Variants in HERC4 observed in about 807,000 individuals in gnomAD.
HERC4 encodes the protein HECT and RLD domain containing E3 ubiquitin protein ligase 4.
Under a neutral mutation model 124.3 loss-of-function variants are expected in HERC4, and 28 were observed. That is an observed-to-expected ratio of 0.23 (90% confidence interval 0.17 to 0.31). The LOEUF (loss-of-function observed/expected upper bound fraction) is 0.31. HERC4 is among the 10% of genes least tolerant of loss of function. The pLI, the probability that HERC4 is intolerant of heterozygous loss-of-function variation, is 1.00. For synonymous variants in HERC4, 407 were observed against 421.5 expected (o/e 0.97, Z 0.42); for missense variants, 713 against 1,229.3 (o/e 0.58, Z 6.28).
At chr10:67,977,361 A>G (rs1473213311) in intron 15 of HERC4, among the ~76,000 whole-genome samples, 6 of 152,148 alleles carry the variant, frequency 3.9e-5, no homozygotes, top group Non-Finnish European at 8.8e-5. Context: ...GACAGCTTTC[A>G]TTATCTGTTA....
intron 9 of HERC4, 116 bp downstream of exon 9, chr10:68,013,910 G>A: frequency 1.2e-6 from 1 of 860,648 alleles, no homozygotes; most frequent in Non-Finnish European, 1.8e-6. Flanking sequence ...ATATTTTGCT[G>A]TTTTCACTTA....
intron 4 of HERC4, among the ~76,000 whole-genome samples, chr10:68,042,271 TG>T (rs935692451): frequency 3.1e-4 from 47 of 152,270 alleles, no homozygotes; most frequent in Admixed American, 7.8e-4. Context: ...CCTCCCAAAG[TG>T]CTGGGATTAC....
intron 8 of HERC4, among the ~76,000 whole-genome samples, chr10:68,019,856 G>A (rs374549105): frequency 1.3e-5 from 2 of 152,152 alleles, no homozygotes; most frequent in Non-Finnish European, 2.9e-5. Context: ...TGGTGCTTCT[G>A]ATCACCAAGG....
At chr10:67,938,769 C>A (rs1470605416) in intron 21 of HERC4, among the ~76,000 whole-genome samples, 1 of 152,024 alleles carries the variant, frequency 6.6e-6, no homozygotes, top group East Asian at 1.9e-4. Context: ...GGTGGTGAAA[C>A]CCCGTCTCTA....
chr10:67,923,285 T>C (rs1589095834), intron 24 of HERC4, 146 bp from the exon 25 acceptor site: 2 of 578,034 alleles, frequency 3.5e-6, no homozygotes, highest in East Asian at 2.8e-5. Context: ...GGAAGACAAG[T>C]TTTTTGAGAC....
chr10:68,048,660 G>A (rs1204189451), intron 3 of HERC4, among the ~76,000 whole-genome samples: 2 of 152,164 alleles, frequency 1.3e-5, no homozygotes, highest in Non-Finnish European at 2.9e-5. Context: ...GAATTTGGGT[G>A]ATAATGATAT....
At chr10:68,030,275 AC>A (rs1406769309) in intron 7 of HERC4, among the ~76,000 whole-genome samples, 2 of 151,766 alleles carry the variant, frequency 1.3e-5, no homozygotes, top group African/African-American at 2.4e-5. Flanking sequence ...CCCCATCTCT[AC>A]AAAAAAATAC....
At chr10:68,012,245 A>G (rs1429805417) in intron 9 of HERC4, among the ~76,000 whole-genome samples, 2 of 152,198 alleles carry the variant, frequency 1.3e-5, no homozygotes, top group Non-Finnish European at 2.9e-5. Flanking sequence ...CCATTCATGT[A>G]TTCACCAGAG....
At chr10:67,969,682 C>T (rs536551137) in intron 15 of HERC4, among the ~76,000 whole-genome samples, 19 of 152,224 alleles carry the variant, frequency 1.2e-4, no homozygotes, top group African/African-American at 3.9e-4. Flanking sequence ...GGAAAGGTGA[C>T]AAGAACAGTC....
chr10:67,926,425 A>AT (rs1337640225), intron 23 of HERC4, among the ~76,000 whole-genome samples: 1 of 149,502 alleles, frequency 6.7e-6, no homozygotes, highest in Non-Finnish European at 1.5e-5. Context: ...ATAAAAAAAA[A>AT]AAAAAACAAA....
intron 8 of HERC4, among the ~76,000 whole-genome samples, chr10:68,022,933 C>T (rs558447831): frequency 1.3e-5 from 2 of 151,720 alleles, no homozygotes; most frequent in African/African-American, 4.8e-5. Flanking sequence ...ATATGCTCAG[C>T]TCACTAATCA....
At chr10:68,045,442 G>A (rs2039972975) in intron 3 of HERC4, among the ~76,000 whole-genome samples, 2 of 152,218 alleles carry the variant, frequency 1.3e-5, no homozygotes, top group African/African-American at 4.8e-5. Flanking sequence ...GTAGAGAACT[G>A]AAAGGCAGTA....
chr10:67,937,849 T>TATC (rs2032504344), intron 21 of HERC4, among the ~76,000 whole-genome samples: 1 of 151,922 alleles, frequency 6.6e-6, no homozygotes, highest in Non-Finnish European at 1.5e-5. Context: ...GCCTGGCTCA[T>TATC]TTTTGTATCT....
In HERC4 at chr10:67,932,756, C is replaced by A. The variant is rs769954509; in HGVS notation, c.2679G>T (p.Val893=). The A allele has an allele frequency of 6.3e-7, 1 of 1,598,232 alleles. No individual in the cohort carries two copies. Among genetic ancestry groups the A allele is most frequent in the Non-Finnish European group, 8.5e-7 (1 of 1,176,544 alleles). ...QNRQEFVDAY[V]DYIFNKSVAS... ...CCACTGATTTATTGAATATGTAATC[C>A]ACATAAGCATCGACAAACTCTTGCC... Residue 893 remains valine (V), a synonymous_variant, in exon 23 of 25, where the codon GTG becomes GTT. Coordinates refer to ENST00000373700, the MANE Select transcript of HERC4 (RefSeq NM_015601.4).
intron 7 of HERC4, among the ~76,000 whole-genome samples, chr10:68,026,960 C>T (rs906872465): frequency 3.9e-5 from 6 of 152,150 alleles, no homozygotes; most frequent in African/African-American, 1.2e-4. Context: ...GATCATACCA[C>T]TGCACTCCAA....
At chr10:68,058,017 T>G (rs866117350) in intron 3 of HERC4, among the ~76,000 whole-genome samples, 3 of 152,298 alleles carry the variant, frequency 2.0e-5, no homozygotes, top group African/African-American at 7.2e-5. Context: ...TAATTATTAA[T>G]CATTAAATAA....
chr10:68,070,025 G>A, intron 3 of HERC4: 1 of 916,864 alleles, frequency 1.1e-6, no homozygotes, highest in Non-Finnish European at 1.3e-6. Flanking sequence ...CTGGGCAACA[G>A]AGTGAGACTC....
chr10:68,068,627 T>A (rs2041417684), intron 3 of HERC4: 1 of 151,848 alleles, frequency 6.6e-6, no homozygotes. Flanking sequence ...GCCACTGCAC[T>A]CTACCCTAAG....
intron 4 of HERC4, among the ~76,000 whole-genome samples, chr10:68,041,932 T>C (rs927095273): frequency 6.6e-6 from 1 of 152,230 alleles, no homozygotes; most frequent in Non-Finnish European, 1.5e-5. Flanking sequence ...CATTCTTCTT[T>C]AATATTATCC....
Sources: gnomAD v4.1 joint callset for allele counts (sites outside exome capture counted in the v4.1 genomes callset) on GRCh38, gnomAD v4.1.1 for gene constraint, MANE v1.5 for transcripts, NCBI Gene and HGNC (gene_info 2026-07-23, HGNC 2026-07-21) for gene names.